The following THADA variants were observed in gnomAD, a reference collection of about 807,000 sequenced individuals.
THADA encodes tRNA (32-2'-O)-methyltransferase regulator THADA.
In THADA, 213 loss-of-function variants were observed where a neutral mutation model predicts 219.8. The observed-to-expected ratio is 0.97, with a 90% CI of 0.87 to 1.09. The LOEUF (loss-of-function observed/expected upper bound fraction) is 1.09. THADA is among the 50% of genes least tolerant of loss of function. THADA has a pLI of 0.00. For synonymous variants in THADA, 1,018 were observed against 828.9 expected (o/e 1.23, Z -3.92); for missense variants, 2,956 against 2,311.3 (o/e 1.28, Z -5.72).
intron 26 of THADA, among the ~76,000 whole-genome samples, chr2:43,450,835 T>C (rs1420520576): frequency 6.6e-6 from 1 of 152,116 alleles, no homozygotes; most frequent in Non-Finnish European, 1.5e-5. Flanking sequence ...TGGCTATAAA[T>C]AAGCCAGTCA....
At position 43,571,862 on chromosome 2, in the gene THADA, C is replaced by T. The variant is rs571141794; in HGVS notation, c.1909G>A (p.Val637Ile). 10 of 1,610,860 alleles carry T rather than the reference C, an allele frequency of 6.2e-6. No homozygotes were observed. The South Asian group carries it at 1.1e-4, about 18-fold the overall frequency. ...AGCAAGCCTAATGTATCTATCCTTACCTAAAAAACATCAAGCAATAAAATG... is the reference window on the plus strand; with the variant it reads ...AGCAAGCCTAATGTATCTATCCTTATCTAAAAAACATCAAGCAATAAAATG... ...KQGLIHQHCQ[V>I]RIDTLGLLCE... is the part of the protein sequence containing the mutation. The change falls in exon 13 of 38, where the codon GTA (valine) becomes ATA (isoleucine). Residue 637 changes from valine (V) to isoleucine (I), a missense_variant and splice_region_variant. By Grantham distance (29) the Val-to-Ile change is conservative. Coordinates refer to ENST00000405975, the MANE Select transcript of THADA (RefSeq NM_022065.5).
chr2:43,420,229 C>T (rs190347765), intron 28 of THADA, among the ~76,000 whole-genome samples: 1 of 152,350 alleles, frequency 6.6e-6, no homozygotes, highest in East Asian at 1.9e-4. Context: ...TCTTTGTAGG[C>T]CTCAGTCCTT....
intron 37 of THADA, 21 bp from the exon 38 acceptor site, chr2:43,231,364 G>A (rs1329910737): frequency 7.4e-6 from 11 of 1,495,858 alleles, no homozygotes; most frequent in African/African-American, 2.8e-5. Flanking sequence ...TGAAAAAGCC[G>A]AAAGTCAGTC....
At chr2:43,407,044 TC>T (rs1675629687) in intron 28 of THADA, among the ~76,000 whole-genome samples, 1 of 152,328 alleles carries the variant, frequency 6.6e-6, no homozygotes, top group South Asian at 2.1e-4. Flanking sequence ...ACTTGGCCCC[TC>T]AGCATGTCGC....
chr2:43,438,360 C>T (rs1558762002), intron 26 of THADA, among the ~76,000 whole-genome samples: 1 of 149,728 alleles, frequency 6.7e-6, no homozygotes, highest in Non-Finnish European at 1.5e-5. Flanking sequence ...CTCAAATTGG[C>T]AAAGACTAAT....
At chr2:43,399,354 T>C (rs936068894) in intron 28 of THADA, among the ~76,000 whole-genome samples, 1 of 152,208 alleles carries the variant, frequency 6.6e-6, no homozygotes, top group Non-Finnish European at 1.5e-5. Context: ...AATTAGGCCA[T>C]TAGGGCTACA....
chr2:43,431,716 A>G lies in THADA; in HGVS notation c.3837-1414T>C, dbSNP rs369075339. The stretch of plus-strand genomic sequence containing the variant: ...GTCTCGCTCTGTCGCCCAGGCTGGA[A>G]TGCAGTGGCGGGATCTCGGCTCACT... On this transcript the variant is annotated intron_variant, in intron 26 of 37. Transcript: ENST00000405975. Among the ~76,000 whole-genome samples, 140 of 17,038 alleles carry G rather than the reference A, an allele frequency of 8.2e-3. 2 individuals are homozygous for G. The highest frequency in any genetic ancestry group is 0.027 in the Admixed American group (36 of 1,354). 11.2% of individuals were successfully genotyped at this position (17,038 alleles called of 152,430 possible).
chr2:43,439,091 CT>C (rs1453494600), intron 26 of THADA, among the ~76,000 whole-genome samples: 1 of 152,152 alleles, frequency 6.6e-6, no homozygotes, highest in Non-Finnish European at 1.5e-5. Context: ...TTTTGAACCA[CT>C]GGTGACCAGT....
chr2:43,327,321 T>A (rs1388597547), intron 30 of THADA, among the ~76,000 whole-genome samples: 1 of 151,986 alleles, frequency 6.6e-6, no homozygotes, highest in African/African-American at 2.4e-5. Context: ...AAGCTTCTTG[T>A]CATGGAGCCA....
At chr2:43,561,369 C>T (rs1305427719) in intron 15 of THADA, among the ~76,000 whole-genome samples, 1 of 152,102 alleles carries the variant, frequency 6.6e-6, no homozygotes, top group East Asian at 1.9e-4. Context: ...TCTCCAGAAA[C>T]TCTTAGAGAA....
intron 26 of THADA, chr2:43,430,616 G>T (rs1420466552): frequency 4.3e-6 from 2 of 465,968 alleles, no homozygotes; most frequent in South Asian, 3.1e-5. Flanking sequence ...AACTGATTTG[G>T]ACTATAAGTA....
intron 30 of THADA, among the ~76,000 whole-genome samples, chr2:43,328,471 C>A (rs1422333799): frequency 6.6e-6 from 1 of 152,156 alleles, no homozygotes; most frequent in Non-Finnish European, 1.5e-5. Flanking sequence ...CCACAGCCCT[C>A]CTACTTGGAT....
chr2:43,274,979 CTTTCTTTTCT>C (rs1241408989), intron 36 of THADA, among the ~76,000 whole-genome samples: 4 of 141,096 alleles, frequency 2.8e-5, no homozygotes, highest in East Asian at 4.0e-4. Context: ...AACTGTTTTC[CTTTCTTTTCT>C]TTTCTTTTCT....
chr2:43,390,964 G>A (rs1673301944), intron 29 of THADA, among the ~76,000 whole-genome samples: 2 of 152,190 alleles, frequency 1.3e-5, no homozygotes, highest in South Asian at 2.1e-4. Context: ...GTGGCTAACT[G>A]CACAAGCTCA....
At chr2:43,488,420 G>A (rs887273977) in intron 25 of THADA, among the ~76,000 whole-genome samples, 8 of 151,972 alleles carry the variant, frequency 5.3e-5, no homozygotes, top group African/African-American at 1.9e-4. Flanking sequence ...CATATACATG[G>A]GATCATGTAG....
chr2:43,542,118 TA>T (rs1340659961), intron 20 of THADA, among the ~76,000 whole-genome samples: 2 of 152,240 alleles, frequency 1.3e-5, no homozygotes, highest in Non-Finnish European at 2.9e-5. Context: ...TTGGTACTGA[TA>T]TTTTTTTAAA....
At chr2:43,408,557 A>G (rs1470404112) in intron 28 of THADA, 1 of 152,230 alleles carries the variant, frequency 6.6e-6, no homozygotes, top group Non-Finnish European at 1.5e-5. Context: ...ACTGTGAAGC[A>G]GAAGCACTTA....
intron 26 of THADA, among the ~76,000 whole-genome samples, chr2:43,464,917 T>A (rs183315485): frequency 6.6e-6 from 1 of 152,178 alleles, no homozygotes; most frequent in Non-Finnish European, 1.5e-5. Flanking sequence ...AACGAACATT[T>A]TGCCAGAAAT....
rs1488728368 is a variant in THADA, at chr2:43,293,131, G to A, written c.4521C>T (p.Phe1507=). The A allele has an allele frequency of 1.9e-6, 3 of 1,613,986 alleles. No homozygotes were observed. The South Asian group carries it at 3.3e-5, about 18-fold the overall frequency. The change falls in exon 32 of 38, where the codon TTC becomes TTT. Residue 1507 remains phenylalanine (F), a synonymous_variant. Transcript: ENST00000405975. The part of the protein sequence containing the change: ...SELITGFPWA[F]KVPGLPQYLQ... The stretch of plus-strand genomic sequence containing the variant: ...GGTACTGGGGCAGGCCTGGCACCTT[G>A]AAGGCCCAAGGGAATCCCGTTATCA...
Sources: gnomAD v4.1 joint callset for allele counts (sites outside exome capture counted in the v4.1 genomes callset) on GRCh38, gnomAD v4.1.1 for gene constraint, MANE v1.5 for transcripts, NCBI Gene and HGNC (gene_info 2026-07-23, HGNC 2026-07-21) for gene names.